Variants in SLC44A1 observed in about 807,000 individuals in gnomAD.
The protein encoded by SLC44A1 is choline transporter-like protein 1.
Under a neutral mutation model 79.3 loss-of-function variants are expected in SLC44A1, and 26 were observed. The ratio of observed to expected loss-of-function variants is 0.33; its 90% CI spans 0.24 to 0.46. The LOEUF (loss-of-function observed/expected upper bound fraction) is 0.46. Among genes scored for constraint, SLC44A1 ranks in the 20% least tolerant of loss-of-function variants. The pLI, the probability that SLC44A1 is intolerant of heterozygous loss-of-function variation, is 1.00. For synonymous variants in SLC44A1, 263 were observed against 286.2 expected (o/e 0.92, Z 0.82); for missense variants, 688 against 798.1 (o/e 0.86, Z 1.66).
At chr9:105,262,651 C>G (rs1233766905) in intron 1 of SLC44A1, among the ~76,000 whole-genome samples, 2 of 152,160 alleles carry the variant, frequency 1.3e-5, no homozygotes, top group East Asian at 1.9e-4. Context: ...CCAGGAAATC[C>G]ATGTGCTCTT....
chr9:105,363,639 A>T (rs1801740218), intron 9 of SLC44A1, among the ~76,000 whole-genome samples: 1 of 151,658 alleles, frequency 6.6e-6, no homozygotes, highest in African/African-American at 2.4e-5. Flanking sequence ...TAATTTTTGT[A>T]TCTTTAGTAG....
In SLC44A1 at chr9:105,320,542, A is replaced by G. The variant is rs370423376; in HGVS notation, c.269+10676A>G. Among the ~76,000 whole-genome samples, 5 of 152,222 alleles carry G rather than the reference A, an allele frequency of 3.3e-5. No homozygotes were observed. In the South Asian group the frequency reaches 1.0e-3, roughly 32 times the overall value. On this transcript the variant is annotated intron_variant, in intron 3 of 15. Transcript: ENST00000374720. ...GCTTCACTTCCTCCTAACATTTTGT[A>G]TTATGAGACTTTTTGTTATTTGTTA...
chr9:105,423,541 A>T (rs1218088849), intron 15 of SLC44A1, among the ~76,000 whole-genome samples: 1 of 152,220 alleles, frequency 6.6e-6, no homozygotes, highest in Non-Finnish European at 1.5e-5. Context: ...AATTAAGGAC[A>T]TGTGAAAAGA....
intron 1 of SLC44A1, among the ~76,000 whole-genome samples, chr9:105,262,357 A>G (rs1019007862): frequency 6.6e-6 from 1 of 152,228 alleles, no homozygotes; most frequent in Non-Finnish European, 1.5e-5. Context: ...TGAGTAAGAA[A>G]ATAACAAAGC....
rs1381556916 is a variant in SLC44A1 at position 105,326,580 on chromosome 9, T to C, written c.270-8983T>C. On this transcript the variant is annotated intron_variant, in intron 3 of 15. Coordinates refer to ENST00000374720, the MANE Select transcript of SLC44A1 (RefSeq NM_080546.5). ...TTGCAATGTTAGTATCTTCTTTGGC[T>C]CTTTCGTCATCTTGCTTTTTACTCT... Among the ~76,000 whole-genome samples, 3 of 152,216 alleles carry C rather than the reference T, an allele frequency of 2.0e-5. No homozygotes were observed. The South Asian group carries it at 6.2e-4, about 31-fold the overall frequency.
chr9:105,262,027 G>A (rs527776608), intron 1 of SLC44A1, among the ~76,000 whole-genome samples: 8 of 152,020 alleles, frequency 5.3e-5, no homozygotes, highest in African/African-American at 1.2e-4. Context: ...CAGGTGATCC[G>A]CCTGCGTTGG....
At position 105,392,883 on chromosome 9, in the gene SLC44A1, GTT is replaced by G. The variant is rs1828796816; in HGVS notation, c.*3829_*3830del. On this transcript the variant is annotated 3_prime_UTR_variant, in exon 16 of 16. Coordinates refer to ENST00000374720, the MANE Select transcript of SLC44A1 (RefSeq NM_080546.5). ...ATAGCCTTAACATGGCCTCTGAGAA[GTT>G]TCCTCCAGAAAGGTCTTTAAGCTTT... is the stretch of plus-strand genomic sequence containing the variant. The G allele has an allele frequency of 7.1e-6, 7 of 985,110 alleles. No individual in the cohort carries two copies. Among genetic ancestry groups the G allele is most frequent in the Non-Finnish European group, 8.4e-6 (7 of 829,842 alleles). 61.0% of individuals were successfully genotyped at this position (985,110 alleles called of 1,614,324 possible).
At chr9:105,274,659 T>C (rs902320319) in intron 1 of SLC44A1, among the ~76,000 whole-genome samples, 7 of 152,240 alleles carry the variant, frequency 4.6e-5, no homozygotes, top group African/African-American at 1.4e-4. Context: ...CTGCCCAGAA[T>C]TTAATAACAT....
chr9:105,358,525 A>G, intron 7 of SLC44A1, 92 bp downstream of exon 7: 1 of 759,924 alleles, frequency 1.3e-6, no homozygotes, highest in South Asian at 1.6e-5. Context: ...TTATATTTTC[A>G]CAAGCTATAT....
intron 1 of SLC44A1, among the ~76,000 whole-genome samples, chr9:105,251,023 T>C (rs1440273391): frequency 1.3e-5 from 2 of 152,172 alleles, no homozygotes; most frequent in African/African-American, 4.8e-5. Context: ...ACCCTTTCTC[T>C]AGGTAATTTC....
intron 3 of SLC44A1, among the ~76,000 whole-genome samples, chr9:105,333,775 A>G (rs935293886): frequency 6.6e-6 from 1 of 151,434 alleles, no homozygotes; most frequent in Admixed American, 6.6e-5. Context: ...ATGCCATTGC[A>G]CTCCAGCCTG....
intron 15 of SLC44A1, among the ~76,000 whole-genome samples, chr9:105,425,727 G>A (rs1217318947): frequency 6.6e-6 from 1 of 152,190 alleles, no homozygotes; most frequent in East Asian, 1.9e-4. Flanking sequence ...GGAGGCTGAG[G>A]CAAGAGAATC....
At position 105,414,393 on chromosome 9, in the gene SLC44A1, C is replaced by A. The variant is rs574305460; in HGVS notation, c.1951-23888C>A. Among the ~76,000 whole-genome samples, 4 of 152,248 alleles carry A rather than the reference C, an allele frequency of 2.6e-5. No individual in the cohort carries two copies. In the East Asian group the frequency reaches 5.8e-4, roughly 22 times the overall value. ...TTTTAGCTGTAGTCTGCATTTGGAT[C>A]GATGATTTTCATTAAAGTTCCTAAG... is the stretch of plus-strand genomic sequence containing the variant. On this transcript the variant is annotated intron_variant, in intron 15 of 15. Coordinates refer to the SLC44A1 transcript ENST00000374724.
intron 1 of SLC44A1, among the ~76,000 whole-genome samples, chr9:105,265,541 C>T (rs1412006917): frequency 1.3e-5 from 2 of 152,158 alleles, no homozygotes; most frequent in African/African-American, 2.4e-5. Flanking sequence ...TTGAAGAACA[C>T]GGGGTTGTTT....
chr9:105,281,366 A>G (rs879634850), intron 1 of SLC44A1, among the ~76,000 whole-genome samples: 14 of 152,132 alleles, frequency 9.2e-5, no homozygotes, highest in African/African-American at 2.4e-5. Flanking sequence ...TAAGGTGCTT[A>G]TAGTCTTTCT....
intron 3 of SLC44A1, among the ~76,000 whole-genome samples, chr9:105,311,810 AT>A (rs376466474): frequency 2.5e-4 from 38 of 152,336 alleles, no homozygotes; most frequent in African/African-American, 8.7e-4. Context: ...TTGTAAAAAA[AT>A]GAACAGACTT....
In SLC44A1 at chr9:105,375,288, C is replaced by T. The variant is rs369265988; in HGVS notation, c.1632+553C>T. On this transcript the variant is annotated intron_variant, in intron 13 of 15. Coordinates refer to ENST00000374720, the MANE Select transcript of SLC44A1 (RefSeq NM_080546.5). ...CTCCTGAGCTCAGGTGATCCAACCG[C>T]CTTCGCCTCCCAAAGTGCTGGGATT... Among the ~76,000 whole-genome samples the T allele has an allele frequency of 2.9e-4, 44 of 152,332 alleles. No individual in the cohort carries two copies. In the East Asian group the frequency reaches 5.2e-3, roughly 18 times the overall value.
At chr9:105,424,908 T>C (rs1829299637) in intron 15 of SLC44A1, among the ~76,000 whole-genome samples, 1 of 147,782 alleles carries the variant, frequency 6.8e-6, no homozygotes. Context: ...GGTCAGACCA[T>C]TGCACACTCC....
chr9:105,356,417 A>G (rs770791678), intron 6 of SLC44A1, 36 bp downstream of exon 6: 3 of 1,408,208 alleles, frequency 2.1e-6, no homozygotes, highest in South Asian at 1.3e-5. Context: ...ATTGCATAGT[A>G]TTGCAGAAGA....
Sources: gnomAD v4.1 joint callset for allele counts (sites outside exome capture counted in the v4.1 genomes callset) on GRCh38, gnomAD v4.1.1 for gene constraint, MANE v1.5 for transcripts, NCBI Gene and HGNC (gene_info 2026-07-23, HGNC 2026-07-21) for gene names.